Variants in RP1 observed in about 807,000 individuals in gnomAD.
RP1 encodes the protein RP1 axonemal microtubule associated, also known as oxygen-regulated protein 1.
RP1 carries 16 observed loss-of-function variants against 14.8 expected under a neutral mutation model. The observed-to-expected ratio is 1.08, with a 90% confidence interval of 0.73 to 1.65. The LOEUF (loss-of-function observed/expected upper bound fraction) is 1.65. Ranked by LOEUF, RP1 falls within the 40% of genes most tolerant of loss-of-function variation. The pLI is 0.00. For synonymous variants in RP1, 876 were observed against 883.6 expected (o/e 0.99, Z 0.15); for missense variants, 2,631 against 2,535.0 (o/e 1.04, Z -0.81).
intron 27 of RP1, among the ~76,000 whole-genome samples, chr8:54,861,473 T>G (rs1812340471): frequency 6.6e-6 from 1 of 152,228 alleles, no homozygotes; most frequent in Non-Finnish European, 1.5e-5. Flanking sequence ...CAATAGTTGA[T>G]TTTCACCACT....
intron 25 of RP1, among the ~76,000 whole-genome samples, chr8:54,841,461 C>T (rs770585078): frequency 9.9e-5 from 15 of 152,128 alleles, no homozygotes; most frequent in Non-Finnish European, 2.2e-4. Flanking sequence ...ACACTCTGAG[C>T]TGATTAATTT....
chr8:54,576,082 C>T (rs1237361813), intron 1 of RP1, among the ~76,000 whole-genome samples: 30 of 150,598 alleles, frequency 2.0e-4, no homozygotes, highest in Middle Eastern at 3.5e-3. Context: ...ACTCTGTCAC[C>T]CAGGCTGGAG....
chr8:54,693,175 A>G (rs1807759935), intron 12 of RP1, among the ~76,000 whole-genome samples: 2 of 152,100 alleles, frequency 1.3e-5, no homozygotes, highest in Non-Finnish European at 2.9e-5. Context: ...CCATTGGTCT[A>G]TATCTCTGTT....
intron 19 of RP1, among the ~76,000 whole-genome samples, chr8:54,749,862 C>CTTT (rs76358471): frequency 7.1e-6 from 1 of 139,930 alleles, no homozygotes; most frequent in Admixed American, 7.2e-5. Context: ...TTGGAGGTTT[C>CTTT]TTTTTTTTTT....
At chr8:54,751,915 A>C (rs1484724841) in intron 19 of RP1, among the ~76,000 whole-genome samples, 1 of 152,194 alleles carries the variant, frequency 6.6e-6, no homozygotes, top group East Asian at 1.9e-4. Flanking sequence ...GTGGGGTTGC[A>C]CTTAAGTCAA....
At chr8:54,677,849 T>C (rs1173536912) in intron 8 of RP1, among the ~76,000 whole-genome samples, 5 of 152,192 alleles carry the variant, frequency 3.3e-5, no homozygotes, top group African/African-American at 1.2e-4. Context: ...GACCTTTGCA[T>C]AGACAAAACC....
At chr8:54,581,988 C>T (rs1289136108) in intron 1 of RP1, among the ~76,000 whole-genome samples, 4 of 152,180 alleles carry the variant, frequency 2.6e-5, no homozygotes, top group South Asian at 2.1e-4. Context: ...TTCTGCTGTG[C>T]AGAAGCTCTT....
At chr8:54,740,348 G>A (rs1689426882) in intron 19 of RP1, among the ~76,000 whole-genome samples, 1 of 145,026 alleles carries the variant, frequency 6.9e-6, no homozygotes, top group Non-Finnish European at 1.5e-5. Flanking sequence ...CATTGTGCAG[G>A]CCTAGGCGAA....
At chr8:54,672,884 T>G (rs1002792686) in intron 7 of RP1, among the ~76,000 whole-genome samples, 6 of 152,196 alleles carry the variant, frequency 3.9e-5, no homozygotes, top group Admixed American at 2.0e-4. Context: ...GTTCTCTATA[T>G]TGATTATTAT....
At chr8:54,779,214 C>T (rs557749841) in intron 23 of RP1, among the ~76,000 whole-genome samples, 74 of 152,292 alleles carry the variant, frequency 4.9e-4, no homozygotes, top group Non-Finnish European at 8.5e-4. Flanking sequence ...TCTGCAGAGA[C>T]GTGCTGGGTT....
intron 12 of RP1, among the ~76,000 whole-genome samples, chr8:54,690,650 A>AT (rs1298305964): frequency 6.6e-6 from 1 of 151,840 alleles, no homozygotes; most frequent in East Asian, 1.9e-4. Context: ...ATGGCTGCTG[A>AT]TTTTTTCTGG....
At chr8:54,800,794 A>G (rs1197312608) in intron 24 of RP1, among the ~76,000 whole-genome samples, 2 of 152,166 alleles carry the variant, frequency 1.3e-5, no homozygotes, top group East Asian at 1.9e-4. Context: ...ACATTTAATC[A>G]TAGTTATATT....
At chr8:54,871,205 A>G (rs1396020298) in exon 29 of RP1, 1 of 152,206 alleles carries the variant, frequency 6.6e-6, no homozygotes, top group East Asian at 1.9e-4. Context: ...TTCCTAAAAC[A>G]CATTAAAATA....
intron 1 of RP1, among the ~76,000 whole-genome samples, chr8:54,596,736 A>T (rs1263028970): frequency 6.6e-6 from 1 of 152,218 alleles, no homozygotes; most frequent in Non-Finnish European, 1.5e-5. Flanking sequence ...GCTTTTGCTG[A>T]ACTATGCTCT....
At chr8:54,598,475 T>A (rs546123460) in intron 1 of RP1, among the ~76,000 whole-genome samples, 1 of 152,346 alleles carries the variant, frequency 6.6e-6, no homozygotes, top group Admixed American at 6.5e-5. Flanking sequence ...GAAAATATTA[T>A]ACTTTTGCTT....
intron 3 of RP1, among the ~76,000 whole-genome samples, chr8:54,642,721 A>G (rs1477192444): frequency 3.3e-5 from 5 of 152,164 alleles, no homozygotes; most frequent in Admixed American, 2.6e-4. Context: ...ATATTTGTAT[A>G]GTAAATTACA....
chr8:54,804,999 G>A lies in RP1; in HGVS notation c.3615+21289G>A, dbSNP rs369746920. 1.2e-4 allele frequency among the ~76,000 whole-genome samples: 19 copies of A among 152,182 alleles called. 1 individual carries two copies. In the East Asian group the frequency reaches 1.7e-3, roughly 14 times the overall value. On this transcript the variant is annotated intron_variant, in intron 24 of 28. Coordinates refer to the RP1 transcript ENST00000637698. ...AATACAGATGCTTGGGTTTCACCTG[G>A]GATCATATGATTCCAAGGTCTGAAA...
intron 1 of RP1, among the ~76,000 whole-genome samples, chr8:54,570,537 C>A (rs1057505402): frequency 1.3e-5 from 2 of 151,840 alleles, no homozygotes; most frequent in Admixed American, 6.6e-5. Context: ...CCATCTTGGC[C>A]AGGCTGTCTC....
intron 12 of RP1, among the ~76,000 whole-genome samples, chr8:54,690,655 T>C (rs896149790): frequency 6.6e-6 from 1 of 151,990 alleles, no homozygotes; most frequent in Admixed American, 6.6e-5. Flanking sequence ...TGCTGATTTT[T>C]TCTGGGATGT....
Sources: gnomAD v4.1 joint callset for allele counts (sites outside exome capture counted in the v4.1 genomes callset) on GRCh38, gnomAD v4.1.1 for gene constraint, MANE v1.5 for transcripts, NCBI Gene and HGNC (gene_info 2026-07-23, HGNC 2026-07-21) for gene names.